KIAA1328: variants seen among roughly 807,000 people sequenced by gnomAD.
The protein encoded by KIAA1328 is protein hinderin.
Under a neutral mutation model 68.1 loss-of-function variants are expected in KIAA1328, and 52 were observed. That is an observed-to-expected ratio of 0.76 (90% confidence interval 0.61 to 0.96). The LOEUF is 0.96. KIAA1328 is among the 40% of genes least tolerant of loss of function. The pLI is 0.00. For missense variants in KIAA1328, 641 were observed against 677.6 expected, an observed-to-expected ratio of 0.95 and a Z score of 0.60; for synonymous variants, 232 against 239.4, an observed-to-expected ratio of 0.97 and a Z score of 0.28.
chr18:37,038,545 T>G (rs186962446), intron 6 of KIAA1328, among the ~76,000 whole-genome samples: 24 of 152,278 alleles, frequency 1.6e-4, no homozygotes, highest in African/African-American at 5.5e-4. Context: ...AATTGATGTT[T>G]GTGTAATTGA....
At chr18:37,006,981 G>A (rs2053808029) in intron 6 of KIAA1328, among the ~76,000 whole-genome samples, 1 of 152,178 alleles carries the variant, frequency 6.6e-6, no homozygotes, top group Non-Finnish European at 1.5e-5. Flanking sequence ...ATTGGTTTAG[G>A]TGATGCAGTT....
chr18:36,853,655 TA>T (rs1478891360), intron 4 of KIAA1328, among the ~76,000 whole-genome samples: 1 of 152,028 alleles, frequency 6.6e-6, no homozygotes, highest in East Asian at 1.9e-4. Context: ...TGCTTTTTTT[TA>T]TTTTTTTTAT....
chr18:37,025,263 C>T (rs1383601027), intron 6 of KIAA1328, among the ~76,000 whole-genome samples: 2 of 152,038 alleles, frequency 1.3e-5, no homozygotes, highest in African/African-American at 4.8e-5. Flanking sequence ...GACTCCCACG[C>T]AATAATAATG....
chr18:36,880,200 C>T (rs1315641516), intron 4 of KIAA1328, among the ~76,000 whole-genome samples: 6 of 152,136 alleles, frequency 3.9e-5, no homozygotes, highest in Non-Finnish European at 7.4e-5. Context: ...TTGTGAAGAC[C>T]GTTGGATAAG....
chr18:37,020,230 C>A (rs1279561584), intron 6 of KIAA1328, among the ~76,000 whole-genome samples: 1 of 152,130 alleles, frequency 6.6e-6, no homozygotes, highest in African/African-American at 2.4e-5. Context: ...TTGAGCGATC[C>A]TCCTGCCTTA....
At chr18:37,123,497 T>TA (rs1323234529) in intron 7 of KIAA1328, among the ~76,000 whole-genome samples, 3 of 151,960 alleles carry the variant, frequency 2.0e-5, no homozygotes, top group Non-Finnish European at 4.4e-5. Flanking sequence ...ATTGAGAAAT[T>TA]AAGAGAAAAT....
intron 9 of KIAA1328, among the ~76,000 whole-genome samples, chr18:37,191,227 G>T (rs1430573495): frequency 1.3e-5 from 2 of 152,086 alleles, no homozygotes; most frequent in Non-Finnish European, 2.9e-5. Flanking sequence ...CTAGTTTCTT[G>T]CACTATTTCT....
intron 5 of KIAA1328, among the ~76,000 whole-genome samples, chr18:36,917,212 T>C (rs898851038): frequency 1.3e-5 from 2 of 152,130 alleles, no homozygotes; most frequent in South Asian, 2.1e-4. Flanking sequence ...AATGACATAT[T>C]GTAGACAGTT....
intron 9 of KIAA1328, 26 bp from the exon 10 acceptor site, chr18:37,221,991 T>G: frequency 6.2e-7 from 1 of 1,604,954 alleles, no homozygotes; most frequent in Non-Finnish European, 8.5e-7. Flanking sequence ...TCTGATCCTT[T>G]CCTGTCTGGG....
chr18:37,096,592 C>G (rs1463535387), intron 7 of KIAA1328, among the ~76,000 whole-genome samples: 1 of 152,136 alleles, frequency 6.6e-6, no homozygotes, highest in East Asian at 1.9e-4. Context: ...GGTATATACC[C>G]AGTAATGGGA....
intron 9 of KIAA1328, among the ~76,000 whole-genome samples, chr18:37,190,258 T>G (rs1226147564): frequency 6.6e-6 from 1 of 152,212 alleles, no homozygotes; most frequent in African/African-American, 2.4e-5. Flanking sequence ...CATAACTTAC[T>G]CTAGGAATGC....
At chr18:37,006,464 G>A (rs1257231435) in intron 6 of KIAA1328, among the ~76,000 whole-genome samples, 1 of 152,008 alleles carries the variant, frequency 6.6e-6, no homozygotes, top group African/African-American at 2.4e-5. Flanking sequence ...TTAGTTTGTA[G>A]TAAGTTATAT....
intron 4 of KIAA1328, among the ~76,000 whole-genome samples, chr18:36,882,740 A>G (rs1363534172): frequency 6.6e-6 from 1 of 152,194 alleles, no homozygotes; most frequent in Non-Finnish European, 1.5e-5. Context: ...GATAGAATAC[A>G]TTTTGGGAAA....
At chr18:37,113,399 A>T (rs1197036180) in intron 7 of KIAA1328, among the ~76,000 whole-genome samples, 1 of 152,214 alleles carries the variant, frequency 6.6e-6, no homozygotes. Flanking sequence ...TTTCATATCC[A>T]GCCAAACTAA....
At chr18:37,057,725 A>G (rs1170728936) in intron 6 of KIAA1328, among the ~76,000 whole-genome samples, 1 of 151,816 alleles carries the variant, frequency 6.6e-6, no homozygotes, top group Non-Finnish European at 1.5e-5. Context: ...ATGAGCCACC[A>G]CGCCTGGCCT....
chr18:37,086,994 G>A (rs1179548001), intron 7 of KIAA1328, among the ~76,000 whole-genome samples: 1 of 152,146 alleles, frequency 6.6e-6, no homozygotes, highest in Admixed American at 6.5e-5. Context: ...TTACTGAGAT[G>A]TTGACTCTGT....
rs536182473 is a variant in KIAA1328 at position 37,091,280 on chromosome 18, T to C, written c.1232+23735T>C. 2.0e-5 allele frequency among the ~76,000 whole-genome samples: 3 copies of C among 152,240 alleles called. No individual in the cohort carries two copies. The South Asian group carries it at 6.2e-4, about 32-fold the overall frequency. Reference sequence around the variant, plus strand: ...TTCAACAGGGAAGTCACAGGGAACCTCTGAGGCACAGAAGGAGAGAGAAGC... The same window carrying C: ...TTCAACAGGGAAGTCACAGGGAACCCCTGAGGCACAGAAGGAGAGAGAAGC... On this transcript the variant is annotated intron_variant, in intron 7 of 9. Transcript: ENST00000280020.
chr18:36,942,296 G>A (rs140772692), intron 5 of KIAA1328, among the ~76,000 whole-genome samples: 15 of 152,324 alleles, frequency 9.8e-5, no homozygotes, highest in East Asian at 1.9e-4. Flanking sequence ...TGATATTCAC[G>A]TTATGCTCAA....
At chr18:36,929,968 T>C (rs576599196) in intron 5 of KIAA1328, among the ~76,000 whole-genome samples, 3 of 152,274 alleles carry the variant, frequency 2.0e-5, no homozygotes, top group African/African-American at 7.2e-5. Context: ...CTTTGCTTTC[T>C]ACGAGAGAAG....
Sources: gnomAD v4.1 joint callset for allele counts (sites outside exome capture counted in the v4.1 genomes callset) on GRCh38, gnomAD v4.1.1 for gene constraint, MANE v1.5 for transcripts, NCBI Gene and HGNC (gene_info 2026-07-23, HGNC 2026-07-21) for gene names.